Variants in HSF5 observed in about 807,000 individuals in gnomAD.
HSF5 encodes heat shock transcription factor 5.
A neutral mutation model predicts 50.8 loss-of-function variants in HSF5; 5 were observed. That is an observed-to-expected ratio of 0.10 (90% CI 0.05 to 0.21). The LOEUF is 0.21. HSF5 is among the 10% of genes least tolerant of loss of function. HSF5 has a pLI of 1.00. For synonymous variants in HSF5, 307 were observed against 307.4 expected, an observed-to-expected ratio of 1.00 and a Z score of 0.02; for missense variants, 564 against 762.6, an observed-to-expected ratio of 0.74 and a Z score of 3.07.
intron 1 of HSF5, among the ~76,000 whole-genome samples, chr17:58,486,344 G>A (rs1348854164): frequency 6.6e-6 from 1 of 152,154 alleles, no homozygotes; most frequent in Non-Finnish European, 1.5e-5. Flanking sequence ...CAGCCTGGGT[G>A]ACAAGAGCGA....
intron 1 of HSF5, among the ~76,000 whole-genome samples, chr17:58,484,659 C>T (rs1255419141): frequency 1.3e-5 from 2 of 151,988 alleles, no homozygotes; most frequent in African/African-American, 2.4e-5. Context: ...ATTGCCTTGC[C>T]CCCTATCATT....
At chr17:58,429,827 C>T (rs931772744) in intron 5 of HSF5, among the ~76,000 whole-genome samples, 1 of 99,096 alleles carries the variant, frequency 1.0e-5, no homozygotes, top group African/African-American at 3.8e-5. Context: ...GCCTGGGCAA[C>T]AAAGCAAGAC....
intron 5 of HSF5, among the ~76,000 whole-genome samples, chr17:58,435,898 C>CAAAAAA (rs11458311): frequency 1.0e-4 from 6 of 60,134 alleles, no homozygotes; most frequent in African/African-American, 1.9e-4. Flanking sequence ...GACTCCATCT[C>CAAAAAA]AAAAAAAAAA....
chr17:58,425,338 G>C (rs988116252), intron 5 of HSF5, among the ~76,000 whole-genome samples: 3 of 151,744 alleles, frequency 2.0e-5, no homozygotes, highest in Non-Finnish European at 2.9e-5. Flanking sequence ...TCTGGGAGGC[G>C]GAGGTTGCAG....
At chr17:58,450,338 CAAAAAAAAAAAAAAAA>C (rs758990551) in intron 5 of HSF5, among the ~76,000 whole-genome samples, 1 of 51,940 alleles carries the variant, frequency 1.9e-5, no homozygotes. Flanking sequence ...GACTTTGTCT[CAAAAAAAAAAAAAAAA>C]AAAAAAAAAG....
Position 58,477,567 on chromosome 17 carries a change from C to A in HSF5, c.925+2326G>T, listed in dbSNP as rs549671983. 4.0e-5 allele frequency among the ~76,000 whole-genome samples: 6 copies of A among 151,228 alleles called. No homozygotes were observed. The South Asian group carries it at 1.2e-3, about 31-fold the overall frequency. On this transcript the variant is annotated intron_variant, in intron 2 of 5. Transcript: ENST00000323777. ...TTCCGCTTCCTGGGTTCACGCCATT[C>A]TCCTGCCTCAGCCTCCCCAGTAGCT...
chr17:58,475,635 G>A (rs1161241484), intron 2 of HSF5, among the ~76,000 whole-genome samples: 2 of 152,130 alleles, frequency 1.3e-5, no homozygotes, highest in Non-Finnish European at 2.9e-5. Flanking sequence ...CCACCCTTTG[G>A]TGACCTTCTA....
intron 3 of HSF5, among the ~76,000 whole-genome samples, chr17:58,463,553 G>A (rs934082304): frequency 1.1e-4 from 16 of 152,100 alleles, no homozygotes; most frequent in African/African-American, 1.4e-4. Flanking sequence ...AATTCTTAAG[G>A]TTAAACTGTA....
intron 1 of HSF5, among the ~76,000 whole-genome samples, chr17:58,481,701 C>T (rs967737798): frequency 6.6e-6 from 1 of 152,144 alleles, no homozygotes; most frequent in Non-Finnish European, 1.5e-5. Flanking sequence ...GTTTAATTTC[C>T]TTTAAAGAAT....
intron 5 of HSF5, among the ~76,000 whole-genome samples, chr17:58,424,446 A>T (rs981310934): frequency 1.3e-5 from 2 of 152,020 alleles, no homozygotes; most frequent in African/African-American, 4.8e-5. Flanking sequence ...CCCCATCTCT[A>T]CTAAAAATAC....
chr17:58,439,657 T>G (rs2143744678), intron 5 of HSF5, among the ~76,000 whole-genome samples: 1 of 152,266 alleles, frequency 6.6e-6, no homozygotes, highest in Non-Finnish European at 1.5e-5. Flanking sequence ...GCTAATTCTG[T>G]ATTTTCAGTA....
chr17:58,488,305 A>G lies in HSF5; in HGVS notation c.-31T>C. The G allele has an allele frequency of 6.9e-7, 1 of 1,445,004 alleles. No homozygotes were observed. The highest frequency in any genetic ancestry group is 1.9e-4 in the Middle Eastern group (1 of 5,400). The allele number at this position is 1,445,004 out of a possible 1,614,324, so 89.5% of individuals were successfully genotyped here. A position where few individuals can be genotyped will look rare whatever the true frequency, so the allele number is the denominator to read the frequency against. ...CGCCGGGCCGGGGCCTCGCCCCCCG[A>G]GCCTAGCTCTCCCACACCGTTCTCG... On this transcript the variant is annotated 5_prime_UTR_variant, in exon 1 of 6. Transcript: ENST00000323777. This position sits in a 1 kb window ranked among gnomAD's most constrained non-coding sequence, Gnocchi z 4.1.
In HSF5 at chr17:58,436,840, T is replaced by C. The variant is rs143907901; in HGVS notation, c.1721-14410A>G. ...AAGAGCAGAAAAAAAAAACCAACCATAACAACAACAACAACAGAAAGCAGA... is the reference window on the plus strand; with the variant it reads ...AAGAGCAGAAAAAAAAAACCAACCACAACAACAACAACAACAGAAAGCAGA... On this transcript the variant is annotated intron_variant, in intron 5 of 5. Transcript: ENST00000323777. 2.3e-4 allele frequency among the ~76,000 whole-genome samples: 35 copies of C among 150,178 alleles called. No individual in the cohort carries two copies. The East Asian group carries it at 6.8e-3, about 29-fold the overall frequency.
In HSF5 at chr17:58,475,042, C is replaced by T. The variant is rs138784289; in HGVS notation, c.925+4851G>A. Among the ~76,000 whole-genome samples, 885 of 152,206 alleles carry T rather than the reference C, an allele frequency of 5.8e-3. 5 individuals are homozygous for T. The highest frequency in any genetic ancestry group is 9.4e-3 in the African/African-American group (389 of 41,530). On this transcript the variant is annotated intron_variant, in intron 2 of 5. Coordinates refer to ENST00000323777, the MANE Select transcript of HSF5 (RefSeq NM_001080439.3). The stretch of plus-strand genomic sequence containing the variant: ...AAATGATTAAAAGTCCAAAATCATC[C>T]TTACTTCATGTAATTCCCTCCTTTT...
intron 5 of HSF5, among the ~76,000 whole-genome samples, chr17:58,457,555 G>A (rs909049627): frequency 1.3e-5 from 2 of 151,964 alleles, no homozygotes; most frequent in African/African-American, 4.8e-5. Flanking sequence ...GCCAAGATGC[G>A]CCACTGCATT....
intron 2 of HSF5, chr17:58,476,811 C>A (rs1404735991): frequency 6.3e-7 from 1 of 1,576,192 alleles, no homozygotes; most frequent in Non-Finnish European, 8.7e-7. Context: ...CTGGCTTGTT[C>A]ATTAAGTCTG....
chr17:58,456,164 T>C (rs1023296796), intron 5 of HSF5, among the ~76,000 whole-genome samples: 1,691 of 130,574 alleles, frequency 0.013, 27 homozygotes, highest in African/African-American at 0.044. Flanking sequence ...TGTGTGTGTA[T>C]ATACACACAC....
At chr17:58,478,616 C>T (rs1975056059) in intron 2 of HSF5, among the ~76,000 whole-genome samples, 1 of 151,262 alleles carries the variant, frequency 6.6e-6, no homozygotes, top group South Asian at 2.1e-4. Context: ...AATCCCAGCA[C>T]TTTGGGAGCC....
At chr17:58,432,519 A>C (rs1165511436) in intron 5 of HSF5, among the ~76,000 whole-genome samples, 2 of 152,178 alleles carry the variant, frequency 1.3e-5, no homozygotes, top group East Asian at 1.9e-4. Flanking sequence ...GCAAGTGTAA[A>C]GGCTGGAGCA....
Sources: allele counts gnomAD v4.1 joint callset (sites outside exome capture counted in the v4.1 genomes callset), GRCh38; gene constraint gnomAD v4.1.1; non-coding constraint Gnocchi (gnomAD v3.1); transcripts MANE v1.5; gene names NCBI Gene and HGNC (gene_info 2026-07-23, HGNC 2026-07-21).